The following PSMG2 variants were observed in gnomAD, a reference collection of about 807,000 sequenced individuals.
PSMG2 encodes CD40 ligand-activated specific transcript 3.
Under a neutral mutation model 31.5 loss-of-function variants are expected in PSMG2, and 21 were observed. The ratio of observed to expected loss-of-function variants is 0.67; its 90% confidence interval spans 0.47 to 0.96. The LOEUF (loss-of-function observed/expected upper bound fraction) is 0.96, where lower values mean the gene tolerates loss of function less well. Among genes scored for constraint, PSMG2 ranks in the 40% least tolerant of loss-of-function variants. PSMG2 has a pLI of 0.00. For missense variants in PSMG2, 318 were observed against 321.2 expected (o/e 0.99, Z 0.08); for synonymous variants, 120 against 110.4 (o/e 1.09, Z -0.54).
chr18:12,686,486 T>C, intron 1 of PSMG2: 1 of 1,421,790 alleles, frequency 7.0e-7, no homozygotes, highest in Non-Finnish European at 9.8e-7. Flanking sequence ...TAATGACATA[T>C]TAATCATCCC....
chr18:12,711,222 A>G (rs1461555295), intron 2 of PSMG2, among the ~76,000 whole-genome samples: 1 of 152,128 alleles, frequency 6.6e-6, no homozygotes, highest in Non-Finnish European at 1.5e-5. Context: ...GAGTGAGCCG[A>G]TATCGCACCA....
At chr18:12,675,733 A>C (rs976594159) in intron 1 of PSMG2, among the ~76,000 whole-genome samples, 1 of 151,952 alleles carries the variant, frequency 6.6e-6, no homozygotes, top group African/African-American at 2.4e-5. Flanking sequence ...CAGTGGCGCG[A>C]TCTCGGCTCA....
chr18:12,691,149 A>G (rs999736343), intron 1 of PSMG2: 3 of 399,522 alleles, frequency 7.5e-6, no homozygotes, highest in Admixed American at 4.3e-5. Flanking sequence ...AAAAACCCAC[A>G]ATAACTGAAA....
intron 1 of PSMG2, chr18:12,686,367 T>C: frequency 6.2e-7 from 1 of 1,614,146 alleles, no homozygotes. Context: ...CAAATCTTGC[T>C]GCTTGCCTTG....
intron 1 of PSMG2, among the ~76,000 whole-genome samples, chr18:12,682,162 CT>C (rs754403028): frequency 0.01 from 1,515 of 149,648 alleles, 14 homozygotes; most frequent in Non-Finnish European, 0.014. Context: ...GAAGAAATTT[CT>C]TTTTTTTTTC....
chr18:12,668,080 C>T (rs929558030), intron 1 of PSMG2, among the ~76,000 whole-genome samples: 3 of 151,788 alleles, frequency 2.0e-5, no homozygotes, highest in African/African-American at 7.3e-5. Context: ...GCCTGGCCAA[C>T]ATGGTGAGAC....
intron 1 of PSMG2, among the ~76,000 whole-genome samples, chr18:12,671,982 G>A (rs1234213611): frequency 1.3e-5 from 2 of 151,596 alleles, no homozygotes; most frequent in African/African-American, 4.9e-5. Context: ...ACCATGCCCA[G>A]CTAATTTTTG....
intron 2 of PSMG2, among the ~76,000 whole-genome samples, chr18:12,710,791 GA>G (rs1333627082): frequency 2.0e-5 from 3 of 152,032 alleles, no homozygotes; most frequent in Non-Finnish European, 4.4e-5. Context: ...TAGGAAACAG[GA>G]ACCTAACAAC....
chr18:12,673,286 A>C, intron 1 of PSMG2: 1 of 1,495,626 alleles, frequency 6.7e-7, no homozygotes, highest in Non-Finnish European at 8.9e-7. Context: ...TAAAATAACA[A>C]ACCTCTAAAT....
At chr18:12,689,583 A>G (rs995351249) in intron 1 of PSMG2, among the ~76,000 whole-genome samples, 7 of 139,340 alleles carry the variant, frequency 5.0e-5, no homozygotes, top group African/African-American at 1.5e-4. Flanking sequence ...CGTTTAAGTA[A>G]TATTTCCTAA....
At chr18:12,681,256 A>T (rs200011227) in intron 1 of PSMG2, among the ~76,000 whole-genome samples, 1,386 of 115,400 alleles carry the variant, frequency 0.012, 67 homozygotes, top group East Asian at 0.04. Flanking sequence ...AAAGTAGAAC[A>T]TTTTTTTTTT....
At chr18:12,673,935 CTG>C (rs1172511161) in intron 1 of PSMG2, among the ~76,000 whole-genome samples, 3 of 152,164 alleles carry the variant, frequency 2.0e-5, no homozygotes. Flanking sequence ...ATCAAAGACA[CTG>C]TAATTTTGGT....
At chr18:12,682,603 G>A (rs1331247641) in intron 1 of PSMG2, among the ~76,000 whole-genome samples, 10 of 151,930 alleles carry the variant, frequency 6.6e-5, no homozygotes, top group Non-Finnish European at 5.9e-5. Flanking sequence ...TTACAAAAAT[G>A]TAATAACCAA....
At chr18:12,690,744 C>T (rs1331067904) in intron 1 of PSMG2, among the ~76,000 whole-genome samples, 1 of 152,052 alleles carries the variant, frequency 6.6e-6, no homozygotes, top group African/African-American at 2.4e-5. Context: ...CGTGAGCCAC[C>T]GCGCCTAGCT....
intron 1 of PSMG2, among the ~76,000 whole-genome samples, chr18:12,690,443 C>A (rs1165119273): frequency 1.3e-5 from 2 of 151,794 alleles, no homozygotes; most frequent in Admixed American, 6.6e-5. Flanking sequence ...AATACGTGAA[C>A]CTGACCACAT....
In PSMG2 at chr18:12,703,047, C is replaced by A. The variant is rs542995880; in HGVS notation, c.-61C>A. On this transcript the variant is annotated 5_prime_UTR_variant, in exon 1 of 7. Transcript: ENST00000317615. ...CTCCGGGGTCTCGGGCTTCCGCCTT[C>A]TTGCTGCCCTCGTTCTTGCCAGGGC... The A allele has an allele frequency of 1.3e-6, 2 of 1,575,016 alleles. No homozygotes were observed. Among genetic ancestry groups the A allele is most frequent in the African/African-American group, 2.7e-5 (2 of 73,896 alleles).
chr18:12,711,525 T>C (rs1053658254), intron 2 of PSMG2, among the ~76,000 whole-genome samples: 1 of 152,166 alleles, frequency 6.6e-6, no homozygotes, highest in African/African-American at 2.4e-5. Context: ...TGAACATACC[T>C]GGTGCTTGCT....
chr18:12,703,835 C>T (rs1056718071), intron 1 of PSMG2, among the ~76,000 whole-genome samples: 41 of 152,040 alleles, frequency 2.7e-4, no homozygotes, highest in African/African-American at 8.9e-4. Context: ...ATGGAGGGCC[C>T]GTGGGCTGGG....
intron 1 of PSMG2, among the ~76,000 whole-genome samples, chr18:12,689,661 TTC>T (rs1255036044): frequency 3.9e-5 from 6 of 152,174 alleles, no homozygotes; most frequent in African/African-American, 7.2e-5. Flanking sequence ...ATCCTGCCAT[TTC>T]TCTGATTCAC....
Sources: gnomAD v4.1 joint callset for allele counts (sites outside exome capture counted in the v4.1 genomes callset) on GRCh38, gnomAD v4.1.1 for gene constraint, MANE v1.5 for transcripts, NCBI Gene and HGNC (gene_info 2026-07-23, HGNC 2026-07-21) for gene names.